The following TNRC6B variants were observed in gnomAD, a reference collection of about 807,000 sequenced individuals.
The protein encoded by TNRC6B is trinucleotide repeat-containing gene 6B protein.
In TNRC6B, 52 loss-of-function variants were observed where a neutral mutation model predicts 203.6. That is an observed-to-expected ratio of 0.26 (90% CI 0.20 to 0.32). The LOEUF (loss-of-function observed/expected upper bound fraction) is 0.32, where lower values mean the gene tolerates loss of function less well. TNRC6B is among the 10% of genes least tolerant of loss of function. The pLI is 1.00. For missense variants in TNRC6B, 1,923 were observed against 2,286.2 expected, an observed-to-expected ratio of 0.84 and a Z score of 3.24; for synonymous variants, 838 against 845.7, an observed-to-expected ratio of 0.99 and a Z score of 0.16.
At chr22:40,227,531 A>T (rs1355921174) in intron 1 of TNRC6B, among the ~76,000 whole-genome samples, 1 of 151,450 alleles carries the variant, frequency 6.6e-6, no homozygotes, top group Admixed American at 6.6e-5. Context: ...GTATTTTTGT[A>T]ATAGAGGTGA....
At chr22:40,209,937 G>T (rs187578103) in intron 1 of TNRC6B, among the ~76,000 whole-genome samples, 1 of 151,212 alleles carries the variant, frequency 6.6e-6, no homozygotes, top group East Asian at 1.9e-4. Context: ...AGAATTGCTT[G>T]AACCCAGGAA....
At chr22:40,248,142 C>G (rs143450200) in intron 2 of TNRC6B, among the ~76,000 whole-genome samples, 1 of 152,106 alleles carries the variant, frequency 6.6e-6, no homozygotes, top group East Asian at 1.9e-4. Context: ...CCTTTGCGTC[C>G]GTGGCCACAT....
chr22:40,081,394 G>T (rs1250537281), intron 1 of TNRC6B, among the ~76,000 whole-genome samples: 2 of 147,482 alleles, frequency 1.4e-5, no homozygotes, highest in Admixed American at 7.0e-5. Flanking sequence ...ACTGCTGAGA[G>T]GTCACCTCTG....
intron 21 of TNRC6B, among the ~76,000 whole-genome samples, chr22:40,317,208 T>C (rs547784405): frequency 4.5e-4 from 69 of 152,366 alleles, no homozygotes; most frequent in African/African-American, 1.6e-3. Context: ...TTAAAACATA[T>C]TAACCATTTT....
In TNRC6B at chr22:40,058,603, C is replaced by G. The variant is rs1045024164; in HGVS notation, c.-121+13605C>G. The stretch of plus-strand genomic sequence containing the variant: ...ATTTTCTCTTGCTTTGCTTTAACCT[C>G]CTATTTTTCAGACCTTGGGCTTATC... On this transcript the variant is annotated intron_variant, in intron 1 of 23. Transcript: ENST00000301923. Among the ~76,000 whole-genome samples, 6 of 152,320 alleles carry G rather than the reference C, an allele frequency of 3.9e-5. No individual in the cohort carries two copies. The East Asian group carries it at 1.2e-3, about 29-fold the overall frequency.
At chr22:40,195,428 A>G (rs2069324421) in intron 1 of TNRC6B, among the ~76,000 whole-genome samples, 1 of 152,028 alleles carries the variant, frequency 6.6e-6, no homozygotes, top group Non-Finnish European at 1.5e-5. Context: ...TTGATTCACT[A>G]TTAGGGACTA....
In TNRC6B at chr22:40,135,512, T is replaced by C. The variant is rs2068592324; in HGVS notation, c.45+9650T>C. 2.0e-5 allele frequency among the ~76,000 whole-genome samples: 3 copies of C among 152,198 alleles called. No individual in the cohort carries two copies. The South Asian group carries it at 6.2e-4, about 31-fold the overall frequency. ...CCTTGAAGTAGCAAATTTTTTTTTGTTTAATAGAAACATGTTCTTGCTCTT... is the reference window on the plus strand; with the variant it reads ...CCTTGAAGTAGCAAATTTTTTTTTGCTTAATAGAAACATGTTCTTGCTCTT... On this transcript the variant is annotated intron_variant, in intron 3 of 23. Transcript: ENST00000301923.
intron 3 of TNRC6B, among the ~76,000 whole-genome samples, chr22:40,152,339 T>C (rs1487133859): frequency 1.3e-5 from 2 of 152,218 alleles, no homozygotes; most frequent in African/African-American, 4.8e-5. Context: ...TGTTTGTTTT[T>C]GTTTTTGTGA....
At position 40,297,800 on chromosome 22, in the gene TNRC6B, C is replaced by T. The variant is rs528346454; in HGVS notation, c.3709-2655C>T. Among the ~76,000 whole-genome samples the T allele has an allele frequency of 4.0e-5, 6 of 151,138 alleles. No homozygotes were observed. The South Asian group carries it at 1.1e-3, about 26-fold the overall frequency. Reference sequence around the variant, plus strand: ...TCACACCACTGCACTCCAGCCTGGGCGACAGAGTGAAACTCTATCTAAAAA... The same window carrying T: ...TCACACCACTGCACTCCAGCCTGGGTGACAGAGTGAAACTCTATCTAAAAA... On this transcript the variant is annotated intron_variant, in intron 12 of 22. Coordinates refer to ENST00000454349, the MANE Select transcript of TNRC6B (RefSeq NM_001162501.2).
chr22:40,171,159 T>C (rs1451999302), intron 4 of TNRC6B, among the ~76,000 whole-genome samples: 1 of 140,812 alleles, frequency 7.1e-6, no homozygotes, highest in Non-Finnish European at 1.6e-5. Context: ...AATGCTAATT[T>C]TTTTTTTTTT....
intron 3 of TNRC6B, among the ~76,000 whole-genome samples, chr22:40,136,467 C>T (rs184055259): frequency 4.6e-5 from 7 of 151,016 alleles, no homozygotes; most frequent in Non-Finnish European, 7.4e-5. Context: ...AGCCTGAACA[C>T]AGCTCATTGC....
At chr22:40,095,604 C>T (rs556057893) in intron 1 of TNRC6B, among the ~76,000 whole-genome samples, 3 of 151,746 alleles carry the variant, frequency 2.0e-5, no homozygotes, top group Non-Finnish European at 2.9e-5. Context: ...GACCATGAAG[C>T]ACCCATAAAT....
At chr22:40,160,893 T>G (rs953232412) in intron 4 of TNRC6B, among the ~76,000 whole-genome samples, 3 of 152,218 alleles carry the variant, frequency 2.0e-5, no homozygotes, top group Non-Finnish European at 4.4e-5. Flanking sequence ...TATGTTCTTA[T>G]GCTTACTAAT....
intron 1 of TNRC6B, among the ~76,000 whole-genome samples, chr22:40,211,410 A>C (rs1245635207): frequency 6.6e-6 from 1 of 151,448 alleles, no homozygotes; most frequent in Non-Finnish European, 1.5e-5. Context: ...CTCATCGTTC[A>C]TGTGTTAGTT....
chr22:40,148,753 G>A (rs1397699198), intron 3 of TNRC6B, among the ~76,000 whole-genome samples: 1 of 152,128 alleles, frequency 6.6e-6, no homozygotes, highest in African/African-American at 2.4e-5. Context: ...GGATTATTAG[G>A]ATAGGCCCTA....
chr22:40,166,656 G>A (rs2068922335), intron 4 of TNRC6B, among the ~76,000 whole-genome samples: 1 of 151,936 alleles, frequency 6.6e-6, no homozygotes. Context: ...TAGCACTCTG[G>A]GAGACCAAAG....
At chr22:40,290,121 A>G (rs2070849890) in intron 12 of TNRC6B, among the ~76,000 whole-genome samples, 1 of 152,180 alleles carries the variant, frequency 6.6e-6, no homozygotes, top group South Asian at 2.1e-4. Context: ...TGCCTGTCTC[A>G]CGTCTGAGTC....
intron 1 of TNRC6B, among the ~76,000 whole-genome samples, chr22:40,081,129 G>A (rs547431082): frequency 4.5e-4 from 68 of 152,204 alleles, no homozygotes; most frequent in African/African-American, 1.5e-3. Context: ...CCAAATTGCT[G>A]GGATTACAGG....
chr22:40,266,836 A>G lies in TNRC6B; in HGVS notation c.2606A>G (p.Asp869Gly), dbSNP rs753581337. The G allele has an allele frequency of 5.5e-5, 88 of 1,613,974 alleles. No individual in the cohort carries two copies. The highest frequency in any genetic ancestry group is 6.9e-5 in the Non-Finnish European group (81 of 1,179,868). ...GGGCCACAGCCTGCAACACCTAAGG[A>G]TGAGGAACCCAGTGGTTGGGAAGAG... is the stretch of plus-strand genomic sequence containing the variant. ...SSGPQPATPKDEEPSGWEEPS... is the reference protein window; with the variant it reads ...SSGPQPATPKGEEPSGWEEPS... The change falls in exon 5 of 23, where the codon GAT becomes GGT. Residue 869 changes from aspartate (D) to glycine (G), a missense_variant. Transcript: ENST00000454349.
Sources: gnomAD v4.1 joint callset for allele counts (sites outside exome capture counted in the v4.1 genomes callset) on GRCh38, gnomAD v4.1.1 for gene constraint, MANE v1.5 for transcripts, NCBI Gene and HGNC (gene_info 2026-07-23, HGNC 2026-07-21) for gene names.